The following PTPRO variants were observed in gnomAD, a reference collection of about 807,000 sequenced individuals.
PTPRO encodes protein tyrosine phosphatase receptor type O, also known as receptor-type tyrosine-protein phosphatase O.
A neutral mutation model predicts 145.2 loss-of-function variants in PTPRO; 62 were observed. The observed-to-expected ratio is 0.43, with a 90% CI of 0.35 to 0.53. The LOEUF (loss-of-function observed/expected upper bound fraction) is 0.53, where lower values mean the gene tolerates loss of function less well. PTPRO is among the 20% of genes least tolerant of loss of function. PTPRO has a pLI of 0.01. For synonymous variants in PTPRO, 565 were observed against 514.7 expected, an observed-to-expected ratio of 1.10 and a Z score of -1.32; for missense variants, 1,345 against 1,482.7, an observed-to-expected ratio of 0.91 and a Z score of 1.53.
At chr12:15,519,297 AC>A (rs1942664010) in intron 9 of PTPRO, among the ~76,000 whole-genome samples, 1 of 152,218 alleles carries the variant, frequency 6.6e-6, no homozygotes. Context: ...GTTATCTCCC[AC>A]TGGGCCCCTC....
rs979382108 is a variant in PTPRO at position 15,586,788 on chromosome 12, A to G, written c.3256-109A>G. 74 of 1,221,244 alleles carry G rather than the reference A, an allele frequency of 6.1e-5. 1 individual carries two copies. The highest frequency in any genetic ancestry group is 5.6e-4 in the South Asian group (45 of 81,010). The allele number at this position is 1,221,244 out of a possible 1,614,324, so 75.7% of individuals were successfully genotyped here. On this transcript the variant is annotated intron_variant, in intron 23 of 26. Transcript: ENST00000281171. ...AGCTGGAAAGGAAAGTGTACTGACC[A>G]GGAGTGGAACGTGGCTCTACCTTTT...
intron 1 of PTPRO, among the ~76,000 whole-genome samples, chr12:15,474,787 A>T (rs1291267117): frequency 6.6e-6 from 1 of 152,212 alleles, no homozygotes; most frequent in African/African-American, 2.4e-5. Flanking sequence ...CTCAGCAGGG[A>T]TTACATGCCT....
At chr12:15,534,719 G>T (rs895371437) in intron 12 of PTPRO, among the ~76,000 whole-genome samples, 11 of 152,152 alleles carry the variant, frequency 7.2e-5, no homozygotes, top group Non-Finnish European at 5.9e-5. Flanking sequence ...CATGCAGTTG[G>T]AATATTATCT....
At chr12:15,412,076 A>C (rs1939816405) in intron 1 of PTPRO, among the ~76,000 whole-genome samples, 1 of 152,230 alleles carries the variant, frequency 6.6e-6, no homozygotes, top group African/African-American at 2.4e-5. Context: ...GTGTCAGCGA[A>C]ATTACAAAAT....
Position 15,480,995 on chromosome 12 carries a change from C to T in PTPRO, c.76-2979C>T, listed in dbSNP as rs141061623. ...AACAGTCAGAGAGGAACTTGCATGGCCATAACTGAAGCAGAACTTGCAGAA... is the reference window on the plus strand; with the variant it reads ...AACAGTCAGAGAGGAACTTGCATGGTCATAACTGAAGCAGAACTTGCAGAA... On this transcript the variant is annotated intron_variant, in intron 1 of 26. Transcript: ENST00000281171. 6.6e-5 allele frequency among the ~76,000 whole-genome samples: 10 copies of T among 152,186 alleles called. No individual in the cohort carries two copies. In the East Asian group the frequency reaches 1.9e-3, roughly 29 times the overall value.
intron 1 of PTPRO, among the ~76,000 whole-genome samples, chr12:15,468,593 C>A (rs955294144): frequency 1.3e-5 from 2 of 152,186 alleles, no homozygotes; most frequent in Non-Finnish European, 2.9e-5. Context: ...CTGCTAGGAG[C>A]TCCTTGATCA....
chr12:15,520,331 ACAGTT>A lies in PTPRO; in HGVS notation c.1891+21_1891+25del. 3.2e-6 allele frequency: 5 copies of A among 1,551,250 alleles called. No individual in the cohort carries two copies. In the South Asian group the frequency reaches 5.6e-5, roughly 17 times the overall value. On this transcript the variant is annotated intron_variant, in intron 10 of 26. Coordinates refer to ENST00000281171, the MANE Select transcript of PTPRO (RefSeq NM_030667.3). ...ATAACAGGTGAGGCATGTGTGGGGAACAGTTCCACAAGGAGAGAGCATTATTGTGA... is the reference window on the plus strand; with the variant it reads ...ATAACAGGTGAGGCATGTGTGGGGAACCACAAGGAGAGAGCATTATTGTGA...
intron 1 of PTPRO, among the ~76,000 whole-genome samples, chr12:15,482,492 G>A (rs944675457): frequency 1.4e-4 from 22 of 152,006 alleles, no homozygotes; most frequent in Admixed American, 1.1e-3. Context: ...ACACTTTATC[G>A]TGTATTTTCA....
intron 18 of PTPRO, among the ~76,000 whole-genome samples, chr12:15,567,240 T>C (rs922570741): frequency 3.3e-5 from 5 of 152,168 alleles, no homozygotes; most frequent in African/African-American, 1.2e-4. Context: ...AGACATTTCT[T>C]GAAAGGCTTT....
chr12:15,412,734 A>T (rs1373606253), intron 1 of PTPRO, among the ~76,000 whole-genome samples: 1 of 152,176 alleles, frequency 6.6e-6, no homozygotes, highest in Non-Finnish European at 1.5e-5. Flanking sequence ...CACATTTAGT[A>T]TTTATTTTTT....
chr12:15,421,958 A>G, intron 1 of PTPRO, among the ~76,000 whole-genome samples: 1 of 152,186 alleles, frequency 6.6e-6, no homozygotes. Flanking sequence ...CATGAAAAGA[A>G]TTTTTAAAAT....
intron 2 of PTPRO, 93 bp downstream of exon 2, chr12:15,484,340 C>T: frequency 7.0e-7 from 1 of 1,430,320 alleles, no homozygotes; most frequent in Non-Finnish European, 9.8e-7. Context: ...CCCAGAATGG[C>T]AAAATCACTT....
chr12:15,431,233 C>A (rs927997915), intron 1 of PTPRO, among the ~76,000 whole-genome samples: 3 of 152,202 alleles, frequency 2.0e-5, no homozygotes, highest in Non-Finnish European at 2.9e-5. Context: ...CCCACCCTAA[C>A]TTTGCCTTTA....
At chr12:15,329,226 A>C (rs1591705580) in intron 1 of PTPRO, among the ~76,000 whole-genome samples, 1 of 152,316 alleles carries the variant, frequency 6.6e-6, no homozygotes, top group East Asian at 1.9e-4. Flanking sequence ...CGTATCAGAG[A>C]CCAATTATGA....
intron 18 of PTPRO, among the ~76,000 whole-genome samples, chr12:15,566,253 C>A (rs1253581510): frequency 2.0e-5 from 3 of 152,102 alleles, no homozygotes; most frequent in African/African-American, 7.2e-5. Flanking sequence ...AAAAGTGGAA[C>A]TTTCCTTTAT....
intron 12 of PTPRO, among the ~76,000 whole-genome samples, chr12:15,545,302 T>C (rs1468566552): frequency 6.6e-6 from 1 of 151,270 alleles, no homozygotes; most frequent in African/African-American, 2.4e-5. Context: ...CGCATATAGG[T>C]GGATGGAGGA....
intron 12 of PTPRO, among the ~76,000 whole-genome samples, chr12:15,526,653 T>C (rs1942845699): frequency 6.6e-6 from 1 of 152,124 alleles, no homozygotes; most frequent in Non-Finnish European, 1.5e-5. Context: ...AAAATCTACA[T>C]ATTGATTTTT....
At chr12:15,538,350 A>G (rs1031245222) in intron 12 of PTPRO, among the ~76,000 whole-genome samples, 3 of 151,364 alleles carry the variant, frequency 2.0e-5, no homozygotes, top group Non-Finnish European at 4.4e-5. Context: ...TCAGCCTCCC[A>G]AGTAGCTGGG....
Position 15,366,379 on chromosome 12 carries a change from A to G in PTPRO, c.75+43578A>G, listed in dbSNP as rs190521638. Among the ~76,000 whole-genome samples, 7 of 152,276 alleles carry G rather than the reference A, an allele frequency of 4.6e-5. No homozygotes were observed. The East Asian group carries it at 1.3e-3, about 29-fold the overall frequency. ...GTGAGGGGGGGAAAATTGTAATGGC[A>G]GATTCTAAGTTAGGATTTTGATTCA... On this transcript the variant is annotated intron_variant, in intron 1 of 26. Transcript: ENST00000281171.
Sources: gnomAD v4.1 joint callset for allele counts (sites outside exome capture counted in the v4.1 genomes callset) on GRCh38, gnomAD v4.1.1 for gene constraint, MANE v1.5 for transcripts, NCBI Gene and HGNC (gene_info 2026-07-23, HGNC 2026-07-21) for gene names.